NGEF: variants seen among roughly 807,000 people sequenced by gnomAD.
NGEF encodes neuronal guanine nucleotide exchange factor.
In NGEF, 31 loss-of-function variants were observed where a neutral mutation model predicts 80.9. The observed-to-expected ratio is 0.38, with a 90% CI of 0.29 to 0.52. The LOEUF is 0.52. Among genes scored for constraint, NGEF ranks in the 20% least tolerant of loss-of-function variants. The pLI is 0.84. For synonymous variants in NGEF, 371 were observed against 370.2 expected (o/e 1.00, Z -0.03); for missense variants, 709 against 926.2 (o/e 0.77, Z 3.04).
At chr2:232,910,702 T>A (rs2106266349) in intron 5 of NGEF, among the ~76,000 whole-genome samples, 1 of 152,388 alleles carries the variant, frequency 6.6e-6, no homozygotes, top group East Asian at 1.9e-4. Flanking sequence ...TTTAGCAATG[T>A]TTGCTGTGTG....
chr2:233,003,711 C>T (rs1287269955), intron 1 of NGEF, among the ~76,000 whole-genome samples: 1 of 152,096 alleles, frequency 6.6e-6, no homozygotes, highest in South Asian at 2.1e-4. Context: ...GAAACAAAGA[C>T]GCAAAGGCCC....
chr2:232,932,949 C>CA (rs34758709), intron 3 of NGEF, among the ~76,000 whole-genome samples: 5 of 150,450 alleles, frequency 3.3e-5, no homozygotes, highest in African/African-American at 9.8e-5. Flanking sequence ...ACTAAAAATA[C>CA]AAAAAAAAAA....
At chr2:232,904,508 C>T (rs1338378016) in intron 5 of NGEF, among the ~76,000 whole-genome samples, 2 of 152,180 alleles carry the variant, frequency 1.3e-5, no homozygotes, top group African/African-American at 2.4e-5. Context: ...GGAGTACAGG[C>T]GTGAGCCACC....
intron 3 of NGEF, among the ~76,000 whole-genome samples, chr2:232,962,543 C>T (rs1372945121): frequency 6.6e-6 from 1 of 151,746 alleles, no homozygotes; most frequent in East Asian, 1.9e-4. Flanking sequence ...AGTGAGACTC[C>T]ATCTCAAAAA....
intron 3 of NGEF, among the ~76,000 whole-genome samples, chr2:232,939,804 C>A (rs965432348): frequency 1.3e-5 from 2 of 152,060 alleles, no homozygotes; most frequent in African/African-American, 4.8e-5. Context: ...TCAAGACCAG[C>A]CTGGGCAACA....
chr2:232,882,336 T>C (rs927859224), intron 12 of NGEF, 71 bp from the exon 13 acceptor site: 2 of 1,372,704 alleles, frequency 1.5e-6, no homozygotes, highest in African/African-American at 1.4e-5. Flanking sequence ...GCACGAGGCT[T>C]CCCAGCTAGC....
chr2:232,893,123 A>T, intron 6 of NGEF, 73 bp from the exon 7 acceptor site: 2 of 1,497,224 alleles, frequency 1.3e-6, no homozygotes, highest in Non-Finnish European at 1.8e-6. Flanking sequence ...CAAGGGCAGC[A>T]TGCGAGCCTG....
At chr2:232,965,072 A>G (rs1441959531) in intron 3 of NGEF, among the ~76,000 whole-genome samples, 1 of 152,248 alleles carries the variant, frequency 6.6e-6, no homozygotes, top group Non-Finnish European at 1.5e-5. Flanking sequence ...ACCTTTATGA[A>G]TATGCTAACG....
intron 3 of NGEF, among the ~76,000 whole-genome samples, chr2:232,965,994 C>T (rs1694051845): frequency 6.6e-6 from 1 of 152,198 alleles, no homozygotes; most frequent in Admixed American, 6.5e-5. Flanking sequence ...TTGTATGAAA[C>T]CTCAGGCAGG....
At chr2:232,891,836 C>T (rs1019401856) in intron 7 of NGEF, among the ~76,000 whole-genome samples, 5 of 152,200 alleles carry the variant, frequency 3.3e-5, no homozygotes, top group African/African-American at 1.2e-4. Context: ...CAGGAACGGG[C>T]AGCAGGCTAG....
At position 232,993,166 on chromosome 2, in the gene NGEF, T is replaced by TTATATATATATTTATTTATATATATAATA. The variant is rs1553559475; in HGVS notation, c.-74-18203_-74-18202insTATTATATATATAAATAAATATATATATA. Among the ~76,000 whole-genome samples the TTATATATATATTTATTTATATATATAATA allele has an allele frequency of 1.4e-4, 13 of 93,872 alleles. 1 individual carries two copies. The highest frequency in any genetic ancestry group is 8.7e-4 in the African/African-American group (12 of 13,864). 61.6% of individuals were successfully genotyped at this position (93,872 alleles called of 152,430 possible). A position where few individuals can be genotyped will look rare whatever the true frequency, so the allele number is the denominator to read the frequency against. The stretch of plus-strand genomic sequence containing the variant: ...ATATATATGGGCAAATATATATATA[T>TTATATATATATTTATTTATATATATAATA]TATATATATAAATAAATATATATAT... On this transcript the variant is annotated intron_variant, in intron 1 of 14. Coordinates refer to ENST00000264051, the MANE Select transcript of NGEF (RefSeq NM_019850.3).
intron 5 of NGEF, among the ~76,000 whole-genome samples, chr2:232,899,211 CTG>C (rs151240038): frequency 8.6e-5 from 13 of 151,696 alleles, no homozygotes; most frequent in African/African-American, 2.2e-4. Context: ...GAGTATGTGA[CTG>C]TGTGTGTGAA....
At chr2:232,900,943 G>T (rs182785589) in intron 5 of NGEF, among the ~76,000 whole-genome samples, 2 of 152,178 alleles carry the variant, frequency 1.3e-5, no homozygotes, top group South Asian at 2.1e-4. Flanking sequence ...GTGACGTCCG[G>T]CGGCCTCAGA....
chr2:232,924,602 G>C (rs1214382107), intron 4 of NGEF, among the ~76,000 whole-genome samples: 3 of 152,168 alleles, frequency 2.0e-5, no homozygotes, highest in Non-Finnish European at 4.4e-5. Flanking sequence ...ATGGCTCCCT[G>C]AGGATGTGAT....
chr2:232,971,254 C>T (rs1310558179), intron 2 of NGEF, among the ~76,000 whole-genome samples: 1 of 152,160 alleles, frequency 6.6e-6, no homozygotes, highest in Non-Finnish European at 1.5e-5. Flanking sequence ...TCCTTCTCTT[C>T]CCCAGCCCCC....
At chr2:232,883,850 C>T in intron 11 of NGEF, 131 bp downstream of exon 11, 1 of 963,482 alleles carries the variant, frequency 1.0e-6, no homozygotes, top group East Asian at 2.7e-5. Flanking sequence ...CACAGCAGAA[C>T]AGACCTTTAA....
chr2:233,013,185 C>T lies in NGEF; in HGVS notation c.-192G>A, dbSNP rs1695251415. The T allele has an allele frequency of 6.4e-6, 3 of 471,140 alleles. No homozygotes were observed. Among genetic ancestry groups the T allele is most frequent in the Admixed American group, 2.3e-5 (1 of 42,572 alleles). The allele number at this position is 471,140 out of a possible 1,614,324, so 29.2% of individuals were successfully genotyped here. On this transcript the variant is annotated 5_prime_UTR_variant, in exon 1 of 15. Coordinates refer to ENST00000264051, the MANE Select transcript of NGEF (RefSeq NM_019850.3). ...GTGTCCCCGGCTAAATCCACAGGCGCTCCACTCTGTCCCAGAGAGCCCACA... is the reference window on the plus strand; with the variant it reads ...GTGTCCCCGGCTAAATCCACAGGCGTTCCACTCTGTCCCAGAGAGCCCACA...
intron 5 of NGEF, among the ~76,000 whole-genome samples, chr2:232,914,638 G>A (rs908438676): frequency 6.6e-6 from 1 of 152,196 alleles, no homozygotes; most frequent in Non-Finnish European, 1.5e-5. Flanking sequence ...AGGAGGCTAA[G>A]GTTACAGCGA....
chr2:232,945,789 T>C (rs1484923877), intron 3 of NGEF, among the ~76,000 whole-genome samples: 2 of 152,190 alleles, frequency 1.3e-5, no homozygotes, highest in Admixed American at 6.5e-5. Flanking sequence ...CTGTTGATTA[T>C]GGCACAGGTG....
Sources: gnomAD v4.1 joint callset for allele counts (sites outside exome capture counted in the v4.1 genomes callset) on GRCh38, gnomAD v4.1.1 for gene constraint, MANE v1.5 for transcripts, NCBI Gene and HGNC (gene_info 2026-07-23, HGNC 2026-07-21) for gene names.